Variants in RPL11 observed in about 807,000 individuals in gnomAD.
RPL11 encodes the protein large ribosomal subunit protein uL5.
In RPL11, 3 loss-of-function variants were observed where a neutral mutation model predicts 24.1. The ratio of observed to expected loss-of-function variants is 0.12; its 90% confidence interval spans 0.06 to 0.32. The LOEUF is 0.32. Among genes scored for constraint, RPL11 ranks in the 10% least tolerant of loss-of-function variants. The pLI is 1.00. For missense variants in RPL11, 146 were observed against 225.7 expected (o/e 0.65, Z 2.26); for synonymous variants, 96 against 75.7 (o/e 1.27, Z -1.39).
intron 4 of RPL11, 86 bp from the exon 5 acceptor site, chr1:23,695,712 T>C: frequency 1.4e-5 from 18 of 1,270,076 alleles, no homozygotes; most frequent in Non-Finnish European, 1.9e-5. Flanking sequence ...AGTGACTCTT[T>C]GAAGATCTGT....
chr1:23,692,031 GGGCACT>G, intron 1 of RPL11: 1 of 715,216 alleles, frequency 1.4e-6, no homozygotes, highest in Non-Finnish European at 2.3e-6. Context: ...GAGCGGCTCC[GGGCACT>G]TGCCCGGAGT....
chr1:23,696,483 C>A lies in RPL11; in HGVS notation c.*110C>A. 9.2e-7 allele frequency: 1 copy of A among 1,085,278 alleles called. No homozygotes were observed. The highest frequency in any genetic ancestry group is 1.4e-6 in the Non-Finnish European group (1 of 710,636). The allele number at this position is 1,085,278 out of a possible 1,614,324, so 67.2% of individuals were successfully genotyped here. The stretch of plus-strand genomic sequence containing the variant: ...CATATTCAAGTCCTTGGACCTCAAG[C>A]CACTTAAAGCTTCGATGGGAGTAGC... On this transcript the variant is annotated 3_prime_UTR_variant, in exon 6 of 6. Coordinates refer to ENST00000643754, the MANE Select transcript of RPL11 (RefSeq NM_000975.5).
intron 5 of RPL11, 121 bp downstream of exon 5, chr1:23,696,029 G>A (rs1320574449): frequency 2.0e-6 from 2 of 1,025,542 alleles, no homozygotes; most frequent in Non-Finnish European, 3.0e-6. Context: ...AGAATATTGG[G>A]CATCTTGACA....
At chr1:23,692,060 G>A in intron 1 of RPL11, 2 of 619,360 alleles carry the variant, frequency 3.2e-6, no homozygotes, top group Admixed American at 2.9e-5. Context: ...TCAGAAGCAC[G>A]GTCAGGAGGC....
intron 2 of RPL11, among the ~76,000 whole-genome samples, chr1:23,693,282 C>T (rs1466964719): frequency 6.6e-6 from 1 of 152,140 alleles, no homozygotes; most frequent in African/African-American, 2.4e-5. Flanking sequence ...GAGGGTAATA[C>T]TTTATAATTG....
intron 1 of RPL11, 76 bp from the exon 2 acceptor site, chr1:23,692,533 G>A (rs1644507275): frequency 1.3e-6 from 2 of 1,573,264 alleles, no homozygotes; most frequent in Non-Finnish European, 1.7e-6. Flanking sequence ...AAATAAAAAT[G>A]CTGTGCAGAT....
Position 23,692,663 on chromosome 1 carries a change from T to G in RPL11, c.61T>G (p.Cys21Gly). 4 of 1,614,182 alleles carry G rather than the reference T, an allele frequency of 2.5e-6. No homozygotes were observed. The highest frequency in any genetic ancestry group is 3.4e-6 in the Non-Finnish European group (4 of 1,180,030). ...PMRELRIRKL[C>G]LNICVGESGD... is the part of the protein sequence containing the mutation. ...GCGGGAACTTCGCATCCGCAAACTC[T>G]GTCTCAACATCTGTGTTGGGGAGAG... The change falls in exon 2 of 6, where the codon TGT (cysteine) becomes GGT (glycine). Residue 21 changes from cysteine (C) to glycine (G), a missense_variant. Physicochemically the swap from Cys to Gly is radical, Grantham distance 159. Coordinates refer to ENST00000643754, the MANE Select transcript of RPL11 (RefSeq NM_000975.5).
chr1:23,693,138 A>G (rs1362902914), intron 2 of RPL11, among the ~76,000 whole-genome samples: 1 of 152,224 alleles, frequency 6.6e-6, no homozygotes, highest in Non-Finnish European at 1.5e-5. Flanking sequence ...GGCCTATATT[A>G]GTGCCACTGC....
intron 1 of RPL11, 42 bp from the exon 2 acceptor site, chr1:23,692,567 C>T (rs756743570): frequency 2.5e-6 from 4 of 1,613,440 alleles, no homozygotes; most frequent in East Asian, 2.2e-5. Flanking sequence ...ACTCAGGGCC[C>T]TCAGCTGTGA....
chr1:23,693,934 G>T, intron 3 of RPL11, 21 bp downstream of exon 3: 1 of 1,543,906 alleles, frequency 6.5e-7, no homozygotes, highest in Non-Finnish European at 9.0e-7. Context: ...TCCCCTAATG[G>T]AGTGATATTG....
intron 2 of RPL11, among the ~76,000 whole-genome samples, chr1:23,693,344 T>G (rs937579175): frequency 6.6e-6 from 1 of 152,222 alleles, no homozygotes; most frequent in East Asian, 1.9e-4. Flanking sequence ...CAGTGAAATA[T>G]GGCAAGTCTT....
Position 23,695,800 on chromosome 1 carries a change from G to A in RPL11, c.399G>A (p.Val133=). The change falls in exon 5 of 6, where the codon GTG becomes GTA. Residue 133 remains valine (V), a splice_region_variant and synonymous_variant. Transcript: ENST00000643754. ...ACTGTTGGTTATTCCTGGGACAGGT[G>A]CTGGGTAGGCCAGGTTTCAGCATCG... The part of the protein sequence containing the change: ...IGIYGLDFYV[V]LGRPGFSIAD... 1 of 1,585,698 alleles carries A rather than the reference G, an allele frequency of 6.3e-7. No individual in the cohort carries two copies. Among genetic ancestry groups the A allele is most frequent in the Non-Finnish European group, 8.6e-7 (1 of 1,166,200 alleles).
At chr1:23,694,823 T>G in intron 4 of RPL11, 32 bp downstream of exon 4, 2 of 1,614,024 alleles carry the variant, frequency 1.2e-6, no homozygotes, top group Non-Finnish European at 1.7e-6. Flanking sequence ...CCGCTCCTGG[T>G]CTGTGAGGAG....
chr1:23,691,839 T>A lies in RPL11; in HGVS notation c.6+10T>A. On this transcript the variant is annotated intron_variant, in intron 1 of 5. Coordinates refer to ENST00000643754, the MANE Select transcript of RPL11 (RefSeq NM_000975.5). ...GCTCTCCATCATGGCGGTGAGTAGC[T>A]GGGACCTGGATTTGCTTTCCTTTAT... The A allele has an allele frequency of 6.2e-7, 1 of 1,614,256 alleles. No individual in the cohort carries two copies. Among genetic ancestry groups the A allele is most frequent in the Non-Finnish European group, 8.5e-7 (1 of 1,180,040 alleles).
intron 1 of RPL11, 33 bp from the exon 2 acceptor site, chr1:23,692,576 G>A (rs762990057): frequency 1.8e-5 from 29 of 1,613,772 alleles, no homozygotes; most frequent in Non-Finnish European, 2.0e-5. Context: ...CCTCAGCTGT[G>A]AGTGTATTGA....
intron 4 of RPL11, chr1:23,694,997 T>C (rs1260051573): frequency 1.4e-6 from 1 of 716,628 alleles, no homozygotes; most frequent in East Asian, 2.8e-5. Context: ...TCCCTGCTGT[T>C]GGGGAACTTG....
chr1:23,691,781 G>A (rs1644500446), upstream of RPL11: 2 of 1,612,900 alleles, frequency 1.2e-6, no homozygotes, highest in Non-Finnish European at 1.7e-6. Flanking sequence ...TGGCCCATAA[G>A]GCCCTCGGCC....
rs1419904114 is a variant in RPL11 at position 23,696,694 on chromosome 1, G to C, written c.*321G>C. 5 of 448,650 alleles carry C rather than the reference G, an allele frequency of 1.1e-5. No individual in the cohort carries two copies. The highest frequency in any genetic ancestry group is 2.1e-5 in the Non-Finnish European group (5 of 243,248). 27.8% of individuals were successfully genotyped at this position (448,650 alleles called of 1,614,324 possible). ...TGAATTTAGAGCCTTGGTTAAGCAG[G>C]GTGCAGTGCTCCTGTGTTCCAGGAG... On this transcript the variant is annotated 3_prime_UTR_variant, in exon 6 of 6. Transcript: ENST00000643754.
intron 2 of RPL11, 43 bp from the exon 3 acceptor site, chr1:23,693,764 G>T: frequency 7.6e-7 from 1 of 1,309,698 alleles, no homozygotes; most frequent in East Asian, 2.3e-5. Flanking sequence ...GAGTGTAGTG[G>T]GGGTATGATG....
Sources: allele counts gnomAD v4.1 joint callset (sites outside exome capture counted in the v4.1 genomes callset), GRCh38; gene constraint gnomAD v4.1.1; transcripts MANE v1.5; gene names NCBI Gene and HGNC (gene_info 2026-07-23, HGNC 2026-07-21).